ABCA12: variants seen among roughly 807,000 people sequenced by gnomAD.
The protein encoded by ABCA12 is glucosylceramide transporter ABCA12.
A neutral mutation model predicts 293.5 loss-of-function variants in ABCA12; 156 were observed. That is an observed-to-expected ratio of 0.53 (90% CI 0.47 to 0.61). The LOEUF (loss-of-function observed/expected upper bound fraction) is 0.61, where lower values mean the gene tolerates loss of function less well. Among genes scored for constraint, ABCA12 ranks in the 20% least tolerant of loss-of-function variants. The pLI, the probability that ABCA12 is intolerant of heterozygous loss-of-function variation, is 0.00. For synonymous variants in ABCA12, 1,063 were observed against 1,108.0 expected, an observed-to-expected ratio of 0.96 and a Z score of 0.81; for missense variants, 2,797 against 3,090.2, an observed-to-expected ratio of 0.91 and a Z score of 2.25.
chr2:214,932,451 T>TCAC lies in ABCA12; in HGVS notation c.*180_*182dup. 2 of 609,206 alleles carry TCAC rather than the reference T, an allele frequency of 3.3e-6. No homozygotes were observed. Among genetic ancestry groups the TCAC allele is most frequent in the South Asian group, 1.9e-5 (1 of 52,252 alleles). 37.7% of individuals were successfully genotyped at this position (609,206 alleles called of 1,614,324 possible). On this transcript the variant is annotated 3_prime_UTR_variant, in exon 53 of 53. Transcript: ENST00000272895. ...GAATTCATTTCAGTAGCAACAACAC[T>TCAC]CACTGACCTTAGAAGGAAAAATTTC... is the stretch of plus-strand genomic sequence containing the variant.
Position 215,099,411 on chromosome 2 carries a change from C to A in ABCA12, c.163+12186G>T, listed in dbSNP as rs1474955944. On this transcript the variant is annotated intron_variant, in intron 2 of 52. Coordinates refer to ENST00000272895, the MANE Select transcript of ABCA12 (RefSeq NM_173076.3). ...CTAAGTCACTCTTTAATTTCCGACC[C>A]CAGCTGGGCGCGGTGGCTCACGCCT... Among the ~76,000 whole-genome samples, 6 of 152,280 alleles carry A rather than the reference C, an allele frequency of 3.9e-5. No homozygotes were observed. In the South Asian group the frequency reaches 6.2e-4, roughly 16 times the overall value.
chr2:215,024,705 C>T (rs1700701733), intron 11 of ABCA12, among the ~76,000 whole-genome samples: 1 of 152,162 alleles, frequency 6.6e-6, no homozygotes, highest in Non-Finnish European at 1.5e-5. Context: ...ATACCATGTT[C>T]ACTATACAAG....
intron 52 of ABCA12, among the ~76,000 whole-genome samples, 192 bp downstream of exon 52, chr2:214,933,886 T>C (rs2105906856): frequency 6.6e-6 from 1 of 152,306 alleles, no homozygotes; most frequent in Non-Finnish European, 1.5e-5. Context: ...AGTTAATGTC[T>C]TTCACATCTA....
chr2:214,977,292 T>C (rs188982060), intron 33 of ABCA12, among the ~76,000 whole-genome samples: 319 of 152,358 alleles, frequency 2.1e-3, no homozygotes, highest in Non-Finnish European at 3.4e-3. Context: ...GGCACATACT[T>C]AGCCTTTGCT....
At position 215,106,024 on chromosome 2, in the gene ABCA12, T is replaced by C. The variant is rs139736978; in HGVS notation, c.163+5573A>G. On this transcript the variant is annotated intron_variant, in intron 2 of 52. Transcript: ENST00000272895. ...AGTTTTCATCATTAGATCATGGGTG[T>C]GCTGGAGAGCAAGGTGCAGTCTGGA... Among the ~76,000 whole-genome samples the C allele has an allele frequency of 2.9e-3, 438 of 152,344 alleles. 1 individual carries two copies. The highest frequency in any genetic ancestry group is 0.01 in the African/African-American group (421 of 41,580).
At chr2:215,052,713 T>A (rs1701344904) in intron 4 of ABCA12, 129 bp from the exon 5 acceptor site, 1 of 792,246 alleles carries the variant, frequency 1.3e-6, no homozygotes, top group Non-Finnish European at 2.2e-6. Flanking sequence ...CAAACATGCC[T>A]CTTCCATGGA....
chr2:215,004,364 A>T, intron 19 of ABCA12, 65 bp from the exon 20 acceptor site: 4 of 1,224,382 alleles, frequency 3.3e-6, no homozygotes, highest in Non-Finnish European at 4.7e-6. Context: ...TTGTCTCTCT[A>T]ATAACCACCA....
At chr2:215,013,855 A>G (rs1700429615) in intron 15 of ABCA12, among the ~76,000 whole-genome samples, 1 of 152,210 alleles carries the variant, frequency 6.6e-6, no homozygotes, top group South Asian at 2.1e-4. Context: ...CCCTTGTGGA[A>G]CTAACATACT....
At chr2:215,083,615 T>G (rs1016947072) in intron 2 of ABCA12, among the ~76,000 whole-genome samples, 3 of 152,230 alleles carry the variant, frequency 2.0e-5, no homozygotes, top group Non-Finnish European at 4.4e-5. Flanking sequence ...AGACGGATTT[T>G]CATTGTTTAT....
intron 20 of ABCA12, among the ~76,000 whole-genome samples, chr2:215,002,144 A>G (rs999026871): frequency 7.2e-5 from 11 of 152,210 alleles, no homozygotes; most frequent in African/African-American, 2.7e-4. Context: ...TGAATGCACA[A>G]ACTGAAACAA....
chr2:215,089,609 T>C (rs759865064), intron 2 of ABCA12, among the ~76,000 whole-genome samples: 4 of 152,174 alleles, frequency 2.6e-5, no homozygotes, highest in Non-Finnish European at 4.4e-5. Flanking sequence ...CAAAGTCCAT[T>C]AACAGTGGAG....
intron 2 of ABCA12, among the ~76,000 whole-genome samples, chr2:215,069,844 G>C (rs1044309320): frequency 1.3e-5 from 2 of 152,094 alleles, no homozygotes; most frequent in African/African-American, 2.4e-5. Flanking sequence ...TAGTAAAATT[G>C]CGTCTTTTTA....
intron 2 of ABCA12, among the ~76,000 whole-genome samples, chr2:215,084,086 T>C (rs1433439258): frequency 6.6e-6 from 1 of 152,094 alleles, no homozygotes; most frequent in Non-Finnish European, 1.5e-5. Flanking sequence ...CAAGTGATCC[T>C]CTCGTCTCAG....
intron 2 of ABCA12, among the ~76,000 whole-genome samples, chr2:215,098,900 C>T (rs950747143): frequency 3.3e-5 from 5 of 152,192 alleles, no homozygotes; most frequent in African/African-American, 1.2e-4. Flanking sequence ...AAGGACACCG[C>T]GATGATGGGG....
chr2:215,052,192 C>T (rs1056782848), intron 5 of ABCA12, among the ~76,000 whole-genome samples: 1 of 151,988 alleles, frequency 6.6e-6, no homozygotes, highest in Non-Finnish European at 1.5e-5. Flanking sequence ...TTCTTTCCTG[C>T]TTCAGAAAAT....
At chr2:215,033,836 G>A (rs1399618098) in intron 8 of ABCA12, among the ~76,000 whole-genome samples, 1 of 152,108 alleles carries the variant, frequency 6.6e-6, no homozygotes, top group South Asian at 2.1e-4. Flanking sequence ...AGGTACTTGG[G>A]AGGCTGAAGC....
At position 215,135,708 on chromosome 2, in the gene ABCA12, T is replaced by C. The variant is rs1202113046; in HGVS notation, c.69+2432A>G. On this transcript the variant is annotated intron_variant, in intron 1 of 52. Transcript: ENST00000272895. ...ATATGTACCTTCATTTCACATTTTGTCTGTCTTCTAATTTGCCTATAATTT... is the reference window on the plus strand; with the variant it reads ...ATATGTACCTTCATTTCACATTTTGCCTGTCTTCTAATTTGCCTATAATTT... 2.6e-5 allele frequency among the ~76,000 whole-genome samples: 4 copies of C among 152,226 alleles called. No individual in the cohort carries two copies. In the East Asian group the frequency reaches 7.7e-4, roughly 29 times the overall value.
chr2:215,102,028 CGT>C (rs71399171), intron 2 of ABCA12, among the ~76,000 whole-genome samples: 38 of 149,936 alleles, frequency 2.5e-4, no homozygotes, highest in Admixed American at 1.3e-3. Flanking sequence ...TGTTTGTACA[CGT>C]GTGTGTGTGT....
At chr2:215,015,741 T>C (rs1700480034) in intron 14 of ABCA12, 78 bp from the exon 15 acceptor site, 4 of 1,378,620 alleles carry the variant, frequency 2.9e-6, no homozygotes, top group Non-Finnish European at 4.1e-6. Flanking sequence ...GTTTTCTGTA[T>C]ACTCTAAATT....
Sources: gnomAD v4.1 joint callset for allele counts (sites outside exome capture counted in the v4.1 genomes callset) on GRCh38, gnomAD v4.1.1 for gene constraint, MANE v1.5 for transcripts, NCBI Gene and HGNC (gene_info 2026-07-23, HGNC 2026-07-21) for gene names.